The following ARMC7 variants were observed in gnomAD, a reference collection of about 807,000 sequenced individuals.
The protein encoded by ARMC7 is armadillo repeat containing 7, also known as armadillo repeat-containing protein 7.
A neutral mutation model predicts 14.8 loss-of-function variants in ARMC7; 9 were observed. The ratio of observed to expected loss-of-function variants is 0.61; its 90% CI spans 0.37 to 1.06. ARMC7 has a LOEUF of 1.06. Ranked by LOEUF, ARMC7 falls within the 50% of genes least tolerant of loss-of-function variation. ARMC7 has a pLI of 0.01. For missense variants in ARMC7, 262 were observed against 267.1 expected (o/e 0.98, Z 0.13); for synonymous variants, 125 against 123.4 (o/e 1.01, Z -0.09).
chr17:75,127,395 C>T (rs749091902), intron 2 of ARMC7, among the ~76,000 whole-genome samples: 11 of 151,586 alleles, frequency 7.3e-5, no homozygotes, highest in African/African-American at 2.4e-4. Context: ...CTCCACCTAC[C>T]GGGTTCAAGC....
chr17:75,130,130 T>G lies in ARMC7; in HGVS notation c.*1092T>G. 1 of 218,290 alleles carries G rather than the reference T, an allele frequency of 4.6e-6. No individual in the cohort carries two copies. The highest frequency in any genetic ancestry group is 9.3e-6 in the Non-Finnish European group (1 of 107,612). The allele number at this position is 218,290 out of a possible 1,614,324, so 13.5% of individuals were successfully genotyped here. On this transcript the variant is annotated 3_prime_UTR_variant, in exon 3 of 3. Coordinates refer to ENST00000245543, the MANE Select transcript of ARMC7 (RefSeq NM_024585.4). ...CACGTGGGCATGGAAATGGGGCAGA[T>G]TAGGGGACCACTGGACTCAGAGGGG... is the stretch of plus-strand genomic sequence containing the variant.
At chr17:75,126,487 A>G (rs914394026) in intron 2 of ARMC7, among the ~76,000 whole-genome samples, 1 of 152,202 alleles carries the variant, frequency 6.6e-6, no homozygotes, top group Non-Finnish European at 1.5e-5. Context: ...TATCTGTCAA[A>G]TGGTACACTC....
At chr17:75,126,080 T>C (rs973800128) in intron 2 of ARMC7, among the ~76,000 whole-genome samples, 4 of 152,150 alleles carry the variant, frequency 2.6e-5, no homozygotes, top group African/African-American at 9.7e-5. Flanking sequence ...GGTAGAGCTG[T>C]GGCCTTCACT....
intron 2 of ARMC7, among the ~76,000 whole-genome samples, chr17:75,112,328 C>T (rs1218538813): frequency 6.6e-6 from 1 of 152,106 alleles, no homozygotes; most frequent in Non-Finnish European, 1.5e-5. Context: ...CCTGTAGTCC[C>T]AGATACTCAA....
chr17:75,120,294 T>C (rs1045385607), intron 2 of ARMC7, among the ~76,000 whole-genome samples: 5 of 152,158 alleles, frequency 3.3e-5, no homozygotes, highest in Admixed American at 2.6e-4. Flanking sequence ...ACATGGCGTG[T>C]GAGCTGAGGT....
intron 2 of ARMC7, among the ~76,000 whole-genome samples, chr17:75,120,290 C>T (rs994310713): frequency 1.3e-5 from 2 of 152,142 alleles, no homozygotes; most frequent in African/African-American, 4.8e-5. Context: ...CCCAACATGG[C>T]GTGTGAGCTG....
intron 2 of ARMC7, among the ~76,000 whole-genome samples, chr17:75,112,742 A>AT (rs10577593): frequency 6.5e-4 from 95 of 146,480 alleles, no homozygotes; most frequent in Admixed American, 4.0e-3. Flanking sequence ...TGCCCAGCTA[A>AT]TTTTTTTTTT....
At chr17:75,126,052 A>AG (rs891315718) in intron 2 of ARMC7, among the ~76,000 whole-genome samples, 2 of 152,156 alleles carry the variant, frequency 1.3e-5, no homozygotes, top group African/African-American at 4.8e-5. Context: ...GTTAGTTTCC[A>AG]GAAAAACAGG....
At chr17:75,126,938 G>A (rs1363093204) in intron 2 of ARMC7, among the ~76,000 whole-genome samples, 5 of 151,834 alleles carry the variant, frequency 3.3e-5, no homozygotes, top group African/African-American at 7.2e-5. Flanking sequence ...GGCACATGCC[G>A]GTTATCCCAG....
rs2074088645 is a variant in ARMC7, at chr17:75,129,843, C to G, written c.*805C>G. On this transcript the variant is annotated 3_prime_UTR_variant, in exon 3 of 3. Transcript: ENST00000245543. ...GCTTCGGCCCTCCTCTGCTGTCACT[C>G]AATGATGGGGAGCCCTACCCCAGAA... 6.6e-6 allele frequency: 1 copy of G among 152,496 alleles called. No homozygotes were observed. Among genetic ancestry groups the G allele is most frequent in the African/African-American group, 2.4e-5 (1 of 41,438 alleles). The allele number at this position is 152,496 out of a possible 1,614,324, so 9.4% of individuals were successfully genotyped here.
intron 2 of ARMC7, among the ~76,000 whole-genome samples, chr17:75,125,013 T>C (rs1279624287): frequency 6.6e-6 from 1 of 152,164 alleles, no homozygotes; most frequent in Non-Finnish European, 1.5e-5. Flanking sequence ...GAAGTGGGAC[T>C]GGCAAGGGAG....
At chr17:75,127,059 CAAAA>C (rs561709280) in intron 2 of ARMC7, among the ~76,000 whole-genome samples, 4 of 102,546 alleles carry the variant, frequency 3.9e-5, no homozygotes, top group Non-Finnish European at 4.0e-5. Flanking sequence ...AAAACTGTCT[CAAAA>C]AAAAAAAAAA....
intron 2 of ARMC7, among the ~76,000 whole-genome samples, chr17:75,123,889 C>G (rs1036077123): frequency 6.6e-6 from 1 of 151,946 alleles, no homozygotes; most frequent in African/African-American, 2.4e-5. Flanking sequence ...CCAGCGTGGG[C>G]GACAAGAGCG....
chr17:75,122,659 G>A lies in ARMC7; in HGVS notation c.236-6018G>A, dbSNP rs145305120. On this transcript the variant is annotated intron_variant, in intron 2 of 2. Transcript: ENST00000245543. The stretch of plus-strand genomic sequence containing the variant: ...TTACAGGAGTGAGCCACTGTGCCTG[G>A]CCCTGGCTTTTTTAATTTTTAAAAG... 3.7e-3 allele frequency among the ~76,000 whole-genome samples: 561 copies of A among 152,166 alleles called. 3 individuals carry two copies. The highest frequency in any genetic ancestry group is 0.012 in the African/African-American group (516 of 41,532).
At chr17:75,112,578 T>C (rs867016213) in intron 2 of ARMC7, among the ~76,000 whole-genome samples, 7 of 142,414 alleles carry the variant, frequency 4.9e-5, no homozygotes, top group Admixed American at 1.4e-4. Context: ...TTTTTCTTTT[T>C]TTTTTTTTTT....
intron 1 of ARMC7, 40 bp from the exon 2 acceptor site, chr17:75,110,423 G>C: frequency 3.7e-6 from 6 of 1,614,068 alleles, no homozygotes; most frequent in Non-Finnish European, 5.1e-6. Context: ...CGCTGTGACC[G>C]CCGCCCGGAC....
chr17:75,123,090 T>C (rs2074025601), intron 2 of ARMC7, among the ~76,000 whole-genome samples: 1 of 150,780 alleles, frequency 6.6e-6, no homozygotes, highest in Admixed American at 6.6e-5. Context: ...CCAAGCTGGA[T>C]TGCAGTGGCA....
At chr17:75,110,408 G>C (rs368173928) in intron 1 of ARMC7, 29 bp downstream of exon 1, 83 of 1,613,984 alleles carry the variant, frequency 5.1e-5, no homozygotes, top group Non-Finnish European at 6.6e-5. Context: ...TCAGGTGGCA[G>C]GGTCCGCTGT....
Position 75,129,086 on chromosome 17 carries a change from G to A in ARMC7, c.*48G>A, listed in dbSNP as rs772783685. On this transcript the variant is annotated 3_prime_UTR_variant, in exon 3 of 3. Coordinates refer to ENST00000245543, the MANE Select transcript of ARMC7 (RefSeq NM_024585.4). ...GGCACCCCTACTGCTGGAGACCACA[G>A]TCCTGATGTGGACGCAGGGAACGGG... is the stretch of plus-strand genomic sequence containing the variant. 6.5e-7 allele frequency: 1 copy of A among 1,546,700 alleles called. No individual in the cohort carries two copies. The highest frequency in any genetic ancestry group is 1.2e-5 in the South Asian group (1 of 83,250).
Sources: allele counts gnomAD v4.1 joint callset (sites outside exome capture counted in the v4.1 genomes callset), GRCh38; gene constraint gnomAD v4.1.1; transcripts MANE v1.5; gene names NCBI Gene and HGNC (gene_info 2026-07-23, HGNC 2026-07-21).